Variants in SCFD2 observed in about 807,000 individuals in gnomAD.
SCFD2 encodes the protein sec1 family domain-containing protein 2.
A neutral mutation model predicts 58.9 loss-of-function variants in SCFD2; 54 were observed. That is an observed-to-expected ratio of 0.92 (90% CI 0.74 to 1.15). The LOEUF (loss-of-function observed/expected upper bound fraction) is 1.15, where lower values mean the gene tolerates loss of function less well. SCFD2 is among the 50% of genes most tolerant of loss of function. SCFD2 has a pLI of 0.00. For missense variants in SCFD2, 805 were observed against 836.6 expected, an observed-to-expected ratio of 0.96 and a Z score of 0.47; for synonymous variants, 321 against 335.9, an observed-to-expected ratio of 0.96 and a Z score of 0.49.
intron 4 of SCFD2, among the ~76,000 whole-genome samples, chr4:53,219,864 G>A (rs1377572676): frequency 6.6e-6 from 1 of 152,010 alleles, no homozygotes; most frequent in Non-Finnish European, 1.5e-5. Flanking sequence ...AATAATAATG[G>A]TTACTACTAC....
intron 5 of SCFD2, among the ~76,000 whole-genome samples, chr4:52,993,173 G>C (rs1721661917): frequency 2.6e-5 from 4 of 152,060 alleles, no homozygotes; most frequent in Non-Finnish European, 1.5e-5. Context: ...GATGTGCTTT[G>C]TTAAACAGAT....
intron 3 of SCFD2, among the ~76,000 whole-genome samples, chr4:53,279,596 A>G (rs1398297811): frequency 1.3e-5 from 2 of 152,240 alleles, no homozygotes; most frequent in Non-Finnish European, 2.9e-5. Flanking sequence ...TTATGTCAAT[A>G]TAGTTTGTGA....
chr4:52,889,630 G>T (rs115696973), intron 7 of SCFD2, among the ~76,000 whole-genome samples: 4,861 of 152,214 alleles, frequency 0.032, 79 homozygotes, highest in South Asian at 0.044. Context: ...TTTATTTTTT[G>T]GAATATCTGT....
At chr4:53,140,392 A>AAAATATATATATATATATATATAT (rs369140110) in intron 5 of SCFD2, among the ~76,000 whole-genome samples, 3,079 of 96,976 alleles carry the variant, frequency 0.032, 382 homozygotes, top group Non-Finnish European at 0.035. Flanking sequence ...CAAAAATGCT[A>AAAATATATATATATATATATATAT]ATATATATAT....
intron 3 of SCFD2, among the ~76,000 whole-genome samples, chr4:53,300,951 T>C (rs1732259288): frequency 1.3e-5 from 2 of 152,168 alleles, no homozygotes. Flanking sequence ...TTCGAAGCAG[T>C]GTGTAGAGGG....
chr4:52,981,103 T>C (rs1721367313), intron 5 of SCFD2, among the ~76,000 whole-genome samples: 1 of 152,320 alleles, frequency 6.6e-6, no homozygotes. Flanking sequence ...TATTATCTGC[T>C]ATAGGCAATG....
At chr4:53,329,538 T>A (rs978904662) in intron 2 of SCFD2, among the ~76,000 whole-genome samples, 1 of 149,098 alleles carries the variant, frequency 6.7e-6, no homozygotes, top group Non-Finnish European at 1.5e-5. Flanking sequence ...GAGGGTCCTG[T>A]CTGTTAGAAG....
intron 5 of SCFD2, among the ~76,000 whole-genome samples, chr4:53,128,811 G>C (rs1381826329): frequency 5.3e-5 from 8 of 152,140 alleles, no homozygotes; most frequent in African/African-American, 1.7e-4. Flanking sequence ...GTGGTGCACT[G>C]TTTCTATGAT....
chr4:53,219,622 C>T lies in SCFD2; in HGVS notation c.1311+54204G>A, dbSNP rs549728004. ...GCCTTGCCCTGCTTCAGCTCACACT[C>T]GGTGGGCTGCACCCACTGTCCTGCC... On this transcript the variant is annotated intron_variant, in intron 4 of 8. Coordinates refer to ENST00000401642, the MANE Select transcript of SCFD2 (RefSeq NM_152540.4). 4.6e-5 allele frequency among the ~76,000 whole-genome samples: 7 copies of T among 152,188 alleles called. No individual in the cohort carries two copies. The East Asian group carries it at 7.7e-4, about 17-fold the overall frequency.
intron 4 of SCFD2, among the ~76,000 whole-genome samples, chr4:53,170,950 C>T (rs1369769988): frequency 1.3e-5 from 2 of 152,158 alleles, no homozygotes; most frequent in South Asian, 2.1e-4. Flanking sequence ...GTTTTCTATA[C>T]ATGAGATCAT....
intron 4 of SCFD2, among the ~76,000 whole-genome samples, chr4:53,257,377 TA>T (rs1730678282): frequency 6.6e-6 from 1 of 152,162 alleles, no homozygotes; most frequent in African/African-American, 2.4e-5. Context: ...AGGCAGATCC[TA>T]ACCCTGGAAG....
At chr4:52,883,246 A>T (rs913480105) in intron 8 of SCFD2, among the ~76,000 whole-genome samples, 9 of 152,200 alleles carry the variant, frequency 5.9e-5, no homozygotes, top group Admixed American at 5.9e-4. Flanking sequence ...GGGCCAGGGC[A>T]GCTGTGTGTC....
At chr4:53,119,096 T>C (rs1725404979) in intron 5 of SCFD2, among the ~76,000 whole-genome samples, 1 of 152,108 alleles carries the variant, frequency 6.6e-6, no homozygotes, top group Non-Finnish European at 1.5e-5. Flanking sequence ...GGTGGGTAAA[T>C]CACTTCAAGT....
At chr4:53,112,196 G>C (rs946557026) in intron 5 of SCFD2, among the ~76,000 whole-genome samples, 1 of 152,090 alleles carries the variant, frequency 6.6e-6, no homozygotes, top group Admixed American at 6.6e-5. Context: ...CTCAAATGAA[G>C]CTTGACCAAA....
intron 5 of SCFD2, among the ~76,000 whole-genome samples, chr4:53,078,830 G>C (rs1724057625): frequency 6.6e-6 from 1 of 152,120 alleles, no homozygotes; most frequent in South Asian, 2.1e-4. Context: ...GTTATGTCTT[G>C]TTCTTTTACT....
intron 4 of SCFD2, among the ~76,000 whole-genome samples, chr4:53,195,110 C>T (rs1728023006): frequency 6.6e-6 from 1 of 152,098 alleles, no homozygotes; most frequent in Admixed American, 6.6e-5. Flanking sequence ...ACCGGCTCTG[C>T]CACGGCCAGT....
intron 4 of SCFD2, among the ~76,000 whole-genome samples, chr4:53,250,395 G>C (rs1423759050): frequency 6.6e-6 from 1 of 152,088 alleles, no homozygotes; most frequent in Non-Finnish European, 1.5e-5. Flanking sequence ...AGATCAACAA[G>C]ACAGAAAGTT....
intron 2 of SCFD2, among the ~76,000 whole-genome samples, chr4:53,339,221 G>A (rs1733783556): frequency 6.6e-6 from 1 of 151,944 alleles, no homozygotes; most frequent in South Asian, 2.1e-4. Context: ...TAAATTACTT[G>A]TATGGGAGAG....
At chr4:53,230,028 A>G (rs1729378363) in intron 4 of SCFD2, among the ~76,000 whole-genome samples, 1 of 152,268 alleles carries the variant, frequency 6.6e-6, no homozygotes, top group Admixed American at 6.5e-5. Flanking sequence ...AAAAATGCTC[A>G]TCACCACTGG....
Sources: gnomAD v4.1 joint callset for allele counts (sites outside exome capture counted in the v4.1 genomes callset) on GRCh38, gnomAD v4.1.1 for gene constraint, MANE v1.5 for transcripts, NCBI Gene and HGNC (gene_info 2026-07-23, HGNC 2026-07-21) for gene names.